PPTC7: variants seen among roughly 807,000 people sequenced by gnomAD.
PPTC7 encodes the protein protein phosphatase targeting COQ7.
PPTC7 carries 6 observed loss-of-function variants against 30.8 expected under a neutral mutation model. The ratio of observed to expected loss-of-function variants is 0.19; its 90% CI spans 0.11 to 0.38. The LOEUF (loss-of-function observed/expected upper bound fraction) is 0.38, where lower values mean the gene tolerates loss of function less well. Ranked by LOEUF, PPTC7 falls within the 10% of genes least tolerant of loss-of-function variation. The probability of loss-of-function intolerance (pLI) is 1.00; values close to 1 mark genes in which losing one functional copy is unlikely to be tolerated. For missense variants in PPTC7, 218 were observed against 404.8 expected, an observed-to-expected ratio of 0.54 and a Z score of 3.96; for synonymous variants, 163 against 168.1, an observed-to-expected ratio of 0.97 and a Z score of 0.23.
chr12:110,540,321 CTTTT>C (rs11369595), intron 3 of PPTC7, among the ~76,000 whole-genome samples: 2 of 105,044 alleles, frequency 1.9e-5, no homozygotes, highest in Non-Finnish European at 3.7e-5. Flanking sequence ...CCCCCCCCGC[CTTTT>C]TTTTTTTTTT....
intron 3 of PPTC7, among the ~76,000 whole-genome samples, chr12:110,541,644 G>A (rs1471270648): frequency 6.1e-5 from 9 of 146,342 alleles, no homozygotes; most frequent in Non-Finnish European, 8.9e-5. Context: ...AGGTTGCAGT[G>A]AGCTGAGATT....
intron 1 of PPTC7, among the ~76,000 whole-genome samples, chr12:110,568,382 A>C (rs1461457081): frequency 2.6e-5 from 4 of 151,546 alleles, no homozygotes; most frequent in African/African-American, 9.7e-5. Flanking sequence ...CCTCCTGAGT[A>C]GCTGGGACTA....
chr12:110,550,685 C>T (rs1179545031), intron 2 of PPTC7, among the ~76,000 whole-genome samples: 1 of 152,284 alleles, frequency 6.6e-6, no homozygotes, highest in East Asian at 1.9e-4. Flanking sequence ...AACAAACAAA[C>T]GTAGAGGCCT....
intron 1 of PPTC7, among the ~76,000 whole-genome samples, chr12:110,581,131 CA>C (rs2064633687): frequency 6.6e-6 from 1 of 152,096 alleles, no homozygotes; most frequent in Non-Finnish European, 1.5e-5. Flanking sequence ...AGAAGCAACA[CA>C]GGGGCCAGGC....
At chr12:110,577,166 CA>C (rs34958891) in intron 1 of PPTC7, among the ~76,000 whole-genome samples, 240 of 81,184 alleles carry the variant, frequency 3.0e-3, no homozygotes, top group African/African-American at 0.01. Flanking sequence ...GACTCTGTCT[CA>C]AAAAAAAAAA....
intron 3 of PPTC7, among the ~76,000 whole-genome samples, chr12:110,541,661 T>C (rs529514458): frequency 3.1e-4 from 44 of 143,482 alleles, no homozygotes; most frequent in African/African-American, 1.1e-3. Flanking sequence ...GATTGCACCA[T>C]TGCACTCCAG....
intron 1 of PPTC7, among the ~76,000 whole-genome samples, chr12:110,562,142 A>G (rs2064442875): frequency 6.6e-6 from 1 of 151,766 alleles, no homozygotes; most frequent in Non-Finnish European, 1.5e-5. Context: ...AAAATTAGCC[A>G]TGCCTGGTGG....
At chr12:110,557,996 C>A (rs945750978) in intron 1 of PPTC7, among the ~76,000 whole-genome samples, 2 of 152,144 alleles carry the variant, frequency 1.3e-5, no homozygotes, top group Admixed American at 6.5e-5. Context: ...AACTACAATT[C>A]AAGATGAAAT....
At chr12:110,554,173 TTAAC>T (rs2064369329) in intron 1 of PPTC7, among the ~76,000 whole-genome samples, 1 of 152,178 alleles carries the variant, frequency 6.6e-6, no homozygotes, top group African/African-American at 2.4e-5. Context: ...TTTTAAAAAA[TTAAC>T]TATTATTATT....
chr12:110,539,990 C>CA (rs2064245427), intron 3 of PPTC7, 45 bp from the exon 4 acceptor site: 22 of 1,587,846 alleles, frequency 1.4e-5, no homozygotes, highest in Non-Finnish European at 1.7e-5. Flanking sequence ...AGGCCCTTTA[C>CA]AGATGAGTTG....
intron 1 of PPTC7, among the ~76,000 whole-genome samples, chr12:110,578,966 C>T (rs1204400521): frequency 6.6e-6 from 1 of 151,948 alleles, no homozygotes; most frequent in Non-Finnish European, 1.5e-5. Flanking sequence ...GGCAACGTGG[C>T]GAAACCTCAT....
intron 1 of PPTC7, among the ~76,000 whole-genome samples, chr12:110,581,046 A>G (rs2064632917): frequency 6.6e-6 from 1 of 152,150 alleles, no homozygotes; most frequent in African/African-American, 2.4e-5. Context: ...CACCACGCGC[A>G]GCCCAGCATA....
chr12:110,581,383 C>T (rs953949849), intron 1 of PPTC7, among the ~76,000 whole-genome samples: 1 of 151,828 alleles, frequency 6.6e-6, no homozygotes, highest in Non-Finnish European at 1.5e-5. Context: ...CACTGCACTC[C>T]AGCCTGAGTG....
At chr12:110,563,143 AAAAAAGAAGAAGAAG>A (rs1431558350) in intron 1 of PPTC7, among the ~76,000 whole-genome samples, 7 of 151,010 alleles carry the variant, frequency 4.6e-5, no homozygotes, top group Non-Finnish European at 1.5e-5. Context: ...AAAAAAAAAA[AAAAAAGAAGAAGAAG>A]AAAAAAGAAG....
intron 1 of PPTC7, among the ~76,000 whole-genome samples, chr12:110,561,313 TTTTC>T (rs1349115493): frequency 3.3e-5 from 5 of 152,130 alleles, no homozygotes; most frequent in Non-Finnish European, 4.4e-5. Flanking sequence ...TTTCTTTTTT[TTTTC>T]TTTCTTTCTT....
intron 1 of PPTC7, among the ~76,000 whole-genome samples, chr12:110,563,146 A>AAAAAG (rs2064453053): frequency 3.4e-5 from 5 of 148,744 alleles, no homozygotes; most frequent in Non-Finnish European, 7.4e-5. Flanking sequence ...AAAAAAAAAA[A>AAAAAG]AAGAAGAAGA....
At chr12:110,568,665 A>G (rs1483733295) in intron 1 of PPTC7, among the ~76,000 whole-genome samples, 1 of 152,202 alleles carries the variant, frequency 6.6e-6, no homozygotes, top group East Asian at 1.9e-4. Flanking sequence ...ACTGTCAGGG[A>G]CTAATAGGAA....
intron 1 of PPTC7, among the ~76,000 whole-genome samples, chr12:110,576,686 T>C (rs2064591673): frequency 6.6e-6 from 1 of 152,060 alleles, no homozygotes; most frequent in Non-Finnish European, 1.5e-5. Context: ...CAGAATCTGC[T>C]TTCTGTTGCC....
At chr12:110,577,547 C>T (rs1250940124) in intron 1 of PPTC7, among the ~76,000 whole-genome samples, 1 of 152,134 alleles carries the variant, frequency 6.6e-6, no homozygotes, top group Non-Finnish European at 1.5e-5. Flanking sequence ...CCATTCACTT[C>T]CTAAATATAA....
Sources: gnomAD v4.1 joint callset for allele counts (sites outside exome capture counted in the v4.1 genomes callset) on GRCh38, gnomAD v4.1.1 for gene constraint, MANE v1.5 for transcripts, NCBI Gene and HGNC (gene_info 2026-07-23, HGNC 2026-07-21) for gene names.